KCNAB1: variants seen among roughly 807,000 people sequenced by gnomAD.
KCNAB1 encodes the protein voltage-gated potassium channel subunit beta-1.
In KCNAB1, 35 loss-of-function variants were observed where a neutral mutation model predicts 64.6. The ratio of observed to expected loss-of-function variants is 0.54; its 90% CI spans 0.41 to 0.72. The LOEUF is 0.72. Ranked by LOEUF, KCNAB1 falls within the 30% of genes least tolerant of loss-of-function variation. The pLI, the probability that KCNAB1 is intolerant of heterozygous loss-of-function variation, is 0.00. For missense variants in KCNAB1, 401 were observed against 512.9 expected (o/e 0.78, Z 2.11); for synonymous variants, 177 against 183.8 (o/e 0.96, Z 0.30).
chr3:156,256,964 G>T (rs1397534749), intron 1 of KCNAB1, among the ~76,000 whole-genome samples: 1 of 152,170 alleles, frequency 6.6e-6, no homozygotes, highest in African/African-American at 2.4e-5. Context: ...TATGTGTCTG[G>T]GTTCTGGTGA....
intron 1 of KCNAB1, among the ~76,000 whole-genome samples, chr3:156,171,984 T>A (rs1443284570): frequency 1.3e-5 from 2 of 152,200 alleles, no homozygotes; most frequent in African/African-American, 4.8e-5. Context: ...TAATGAGAAA[T>A]CTTATCACAC....
chr3:156,128,946 C>T (rs961011518), intron 1 of KCNAB1, among the ~76,000 whole-genome samples: 1 of 152,182 alleles, frequency 6.6e-6, no homozygotes, highest in Non-Finnish European at 1.5e-5. Context: ...GAATTGAGAT[C>T]TGACAAAAAT....
chr3:156,501,311 G>GC (rs1301042797), intron 8 of KCNAB1, among the ~76,000 whole-genome samples: 11 of 151,820 alleles, frequency 7.2e-5, no homozygotes, highest in African/African-American at 2.4e-4. Flanking sequence ...TAAAAGATGT[G>GC]CAAGGAGTAT....
intron 1 of KCNAB1, among the ~76,000 whole-genome samples, chr3:156,392,983 A>G (rs141139612): frequency 0.013 from 2,024 of 152,256 alleles, 16 homozygotes; most frequent in South Asian, 0.032. Context: ...ATAAAGTGGA[A>G]GTTTTCCCTG....
intron 1 of KCNAB1, among the ~76,000 whole-genome samples, chr3:156,283,559 G>T (rs1021134944): frequency 6.6e-5 from 10 of 151,560 alleles, no homozygotes; most frequent in Admixed American, 5.9e-4. Flanking sequence ...CCTGCAGAGT[G>T]TTTTCCAAGT....
chr3:156,351,109 T>G (rs1441369161), intron 1 of KCNAB1, among the ~76,000 whole-genome samples: 1 of 152,262 alleles, frequency 6.6e-6, no homozygotes, highest in Non-Finnish European at 1.5e-5. Context: ...TGAATGCAAC[T>G]AGAAAGATAT....
chr3:156,243,409 G>C (rs1018203611), intron 1 of KCNAB1, among the ~76,000 whole-genome samples: 8 of 151,868 alleles, frequency 5.3e-5, no homozygotes, highest in Non-Finnish European at 1.0e-4. Flanking sequence ...TTGTATTTTA[G>C]TAGAGACAGG....
intron 1 of KCNAB1, among the ~76,000 whole-genome samples, chr3:156,344,599 G>A (rs560255114): frequency 1.3e-4 from 20 of 152,168 alleles, no homozygotes; most frequent in Non-Finnish European, 2.4e-4. Flanking sequence ...GATATTAACC[G>A]CTTTAATATC....
At chr3:156,388,484 C>T (rs3755630) in intron 1 of KCNAB1, among the ~76,000 whole-genome samples, 45,051 of 152,070 alleles carry the variant, frequency 0.3, 9,239 homozygotes, top group African/African-American at 0.59. Context: ...TCTAACACCA[C>T]GTTTCCCAAC....
At chr3:156,231,076 T>C (rs987671525) in intron 1 of KCNAB1, among the ~76,000 whole-genome samples, 4 of 152,202 alleles carry the variant, frequency 2.6e-5, no homozygotes, top group African/African-American at 9.6e-5. Flanking sequence ...AGGTGTACCC[T>C]TTCCATCCTC....
chr3:156,197,384 A>G (rs970551415), intron 1 of KCNAB1, among the ~76,000 whole-genome samples: 1 of 152,170 alleles, frequency 6.6e-6, no homozygotes, highest in Non-Finnish European at 1.5e-5. Flanking sequence ...AACGAATGCT[A>G]CCAGCTCCTC....
At chr3:156,432,648 T>G (rs1716303921) in intron 2 of KCNAB1, among the ~76,000 whole-genome samples, 1 of 152,166 alleles carries the variant, frequency 6.6e-6, no homozygotes, top group African/African-American at 2.4e-5. Flanking sequence ...CAGGACCTGA[T>G]TTGGTTCTGT....
intron 1 of KCNAB1, among the ~76,000 whole-genome samples, chr3:156,396,176 C>G (rs574174330): frequency 1.3e-5 from 2 of 152,234 alleles, no homozygotes; most frequent in Non-Finnish European, 2.9e-5. Flanking sequence ...CTGAGGTCAC[C>G]TTTGATCATC....
At chr3:156,139,375 C>G (rs1356630717) in intron 1 of KCNAB1, among the ~76,000 whole-genome samples, 5 of 152,236 alleles carry the variant, frequency 3.3e-5, no homozygotes, top group Admixed American at 2.6e-4. Flanking sequence ...GCTCATGCCC[C>G]ATGTTTTAGA....
intron 1 of KCNAB1, among the ~76,000 whole-genome samples, chr3:156,223,791 T>G (rs1030173804): frequency 7.2e-5 from 11 of 152,172 alleles, no homozygotes; most frequent in Non-Finnish European, 1.0e-4. Context: ...CACAATCCCC[T>G]AGCTAGACAT....
intron 8 of KCNAB1, among the ~76,000 whole-genome samples, chr3:156,480,764 C>CAG (rs1277884784): frequency 6.6e-6 from 1 of 152,074 alleles, no homozygotes; most frequent in Non-Finnish European, 1.5e-5. Context: ...TAATTAGGAT[C>CAG]AGCCACATTT....
At chr3:156,512,576 G>A (rs1717284425) in intron 8 of KCNAB1, among the ~76,000 whole-genome samples, 1 of 152,242 alleles carries the variant, frequency 6.6e-6, no homozygotes, top group African/African-American at 2.4e-5. Flanking sequence ...AAGGGAAAGG[G>A]AGCTGGTGCA....
chr3:156,241,061 G>T (rs1055197985), intron 1 of KCNAB1, among the ~76,000 whole-genome samples: 1 of 152,216 alleles, frequency 6.6e-6, no homozygotes, highest in African/African-American at 2.4e-5. Flanking sequence ...TGCTCCCAAG[G>T]GTTGTTAGTT....
At chr3:156,403,767 G>A (rs752361213) in intron 1 of KCNAB1, among the ~76,000 whole-genome samples, 7 of 152,036 alleles carry the variant, frequency 4.6e-5, no homozygotes, top group East Asian at 3.9e-4. Flanking sequence ...AGTGGTGCAC[G>A]TCTGTAATCC....
Sources: gnomAD v4.1 joint callset for allele counts (sites outside exome capture counted in the v4.1 genomes callset) on GRCh38, gnomAD v4.1.1 for gene constraint, MANE v1.5 for transcripts, NCBI Gene and HGNC (gene_info 2026-07-23, HGNC 2026-07-21) for gene names.